The following SLC44A1 variants were observed in gnomAD, a reference collection of about 807,000 sequenced individuals.
SLC44A1 encodes the protein choline transporter-like protein 1.
In SLC44A1, 26 loss-of-function variants were observed where a neutral mutation model predicts 79.3. That is an observed-to-expected ratio of 0.33 (90% CI 0.24 to 0.46). The LOEUF (loss-of-function observed/expected upper bound fraction) is 0.46, where lower values mean the gene tolerates loss of function less well. Ranked by LOEUF, SLC44A1 falls within the 20% of genes least tolerant of loss-of-function variation. The pLI, the probability that SLC44A1 is intolerant of heterozygous loss-of-function variation, is 1.00. For synonymous variants in SLC44A1, 263 were observed against 286.2 expected, an observed-to-expected ratio of 0.92 and a Z score of 0.82; for missense variants, 688 against 798.1, an observed-to-expected ratio of 0.86 and a Z score of 1.66.
At chr9:105,337,160 T>G (rs969505730) in intron 4 of SLC44A1, among the ~76,000 whole-genome samples, 1 of 151,708 alleles carries the variant, frequency 6.6e-6, no homozygotes, top group Non-Finnish European at 1.5e-5. Context: ...TCCTTAAGGG[T>G]TTTTCCAGAA....
downstream of SLC44A1, among the ~76,000 whole-genome samples, chr9:105,397,590 G>A (rs139049752): frequency 2.0e-5 from 3 of 152,318 alleles, no homozygotes; most frequent in East Asian, 5.8e-4. Context: ...CATAGCTGGA[G>A]TCTGAGTTGC....
chr9:105,298,435 C>T (rs1830787207), intron 1 of SLC44A1, among the ~76,000 whole-genome samples: 1 of 152,178 alleles, frequency 6.6e-6, no homozygotes, highest in South Asian at 2.1e-4. Context: ...TCACTGCAAC[C>T]TCCGCCTCTT....
chr9:105,356,160 T>C lies in SLC44A1; in HGVS notation c.501-52T>C. On this transcript the variant is annotated intron_variant, in intron 5 of 15. Transcript: ENST00000374720. ...TCATTTGTGTGTTTGATGTGGCATT[T>C]ATATTAAGTAGGAGTAATTTTTTTT... 2.1e-6 allele frequency: 3 copies of C among 1,411,858 alleles called. No homozygotes were observed. The South Asian group carries it at 3.5e-5, about 16-fold the overall frequency. 87.5% of individuals were successfully genotyped at this position (1,411,858 alleles called of 1,614,324 possible). A position where few individuals can be genotyped will look rare whatever the true frequency, so the allele number is the denominator to read the frequency against.
chr9:105,405,372 G>A (rs929647485), intron 15 of SLC44A1, among the ~76,000 whole-genome samples: 2 of 151,148 alleles, frequency 1.3e-5, no homozygotes, highest in African/African-American at 4.9e-5. Context: ...TGGCAGAGCA[G>A]GAAATTCCAA....
intron 3 of SLC44A1, among the ~76,000 whole-genome samples, chr9:105,331,110 G>A (rs935842268): frequency 6.6e-6 from 1 of 152,180 alleles, no homozygotes; most frequent in Non-Finnish European, 1.5e-5. Context: ...TAAAGGATAT[G>A]AAACTTAAAG....
chr9:105,389,003 G>A, intron 15 of SLC44A1, 30 bp from the exon 16 acceptor site: 1 of 1,571,898 alleles, frequency 6.4e-7, no homozygotes, highest in Non-Finnish European at 8.8e-7. Context: ...AATTGTCTAA[G>A]ATTATACTCT....
At position 105,278,301 on chromosome 9, in the gene SLC44A1, T is replaced by G. The variant is rs186223127; in HGVS notation, c.37-20919T>G. Among the ~76,000 whole-genome samples the G allele has an allele frequency of 2.0e-5, 3 of 152,216 alleles. No individual in the cohort carries two copies. In the East Asian group the frequency reaches 5.8e-4, roughly 29 times the overall value. On this transcript the variant is annotated intron_variant, in intron 1 of 15. Coordinates refer to ENST00000374720, the MANE Select transcript of SLC44A1 (RefSeq NM_080546.5). ...TCTCGCTCTGTCACCCAGACTGGAGTGCAGTGGTGCGGTCTTGGCTCACTG... is the reference window on the plus strand; with the variant it reads ...TCTCGCTCTGTCACCCAGACTGGAGGGCAGTGGTGCGGTCTTGGCTCACTG...
chr9:105,373,221 T>G (rs1164165325), intron 12 of SLC44A1, among the ~76,000 whole-genome samples: 1 of 152,162 alleles, frequency 6.6e-6, no homozygotes, highest in African/African-American at 2.4e-5. Context: ...CTCCAACAGT[T>G]TCCCAGCAAT....
chr9:105,432,377 T>C (rs1829408993), intron 15 of SLC44A1, among the ~76,000 whole-genome samples: 1 of 152,246 alleles, frequency 6.6e-6, no homozygotes, highest in African/African-American at 2.4e-5. Flanking sequence ...TTATCATTTG[T>C]GTATAACGGA....
rs537453093 is a variant in SLC44A1, at chr9:105,302,773, T to C, written c.126+3464T>C. Among the ~76,000 whole-genome samples the C allele has an allele frequency of 2.4e-3, 359 of 152,090 alleles. 1 individual carries two copies. The highest frequency in any genetic ancestry group is 8.1e-3 in the African/African-American group (337 of 41,470). The stretch of plus-strand genomic sequence containing the variant: ...CAGCCAAAGTTGAGACCCACTATTA[T>C]AGGCACAGATAAACCACTGAAAAGT... On this transcript the variant is annotated intron_variant, in intron 2 of 15. Coordinates refer to ENST00000374720, the MANE Select transcript of SLC44A1 (RefSeq NM_080546.5).
chr9:105,261,965 A>G (rs1588709982), intron 1 of SLC44A1, among the ~76,000 whole-genome samples: 2 of 151,542 alleles, frequency 1.3e-5, no homozygotes, highest in South Asian at 2.1e-4. Context: ...TTTTATTTTT[A>G]GTTGAGACGG....
chr9:105,408,249 C>T (rs1484927920), intron 15 of SLC44A1, among the ~76,000 whole-genome samples: 2 of 152,076 alleles, frequency 1.3e-5, no homozygotes, highest in South Asian at 2.1e-4. Flanking sequence ...TAGACCTGCC[C>T]TATGAGAAAT....
chr9:105,247,729 G>A (rs755024094), intron 1 of SLC44A1, among the ~76,000 whole-genome samples: 1 of 152,158 alleles, frequency 6.6e-6, no homozygotes, highest in Non-Finnish European at 1.5e-5. Context: ...ACTGTACCTT[G>A]TACTTAATAG....
intron 3 of SLC44A1, among the ~76,000 whole-genome samples, chr9:105,311,042 T>C (rs771237600): frequency 6.6e-6 from 1 of 152,328 alleles, no homozygotes; most frequent in Non-Finnish European, 1.5e-5. Context: ...GTTTTTCTCT[T>C]GATATGCACC....
chr9:105,404,904 A>AT (rs1829009183), intron 15 of SLC44A1, among the ~76,000 whole-genome samples: 1 of 152,146 alleles, frequency 6.6e-6, no homozygotes, highest in East Asian at 1.9e-4. Flanking sequence ...GACAATGATA[A>AT]TTTTTTCATT....
At chr9:105,267,924 C>G (rs1163719713) in intron 1 of SLC44A1, among the ~76,000 whole-genome samples, 1 of 152,114 alleles carries the variant, frequency 6.6e-6, no homozygotes, top group African/African-American at 2.4e-5. Context: ...TTGGTCATTT[C>G]TCTTGGACTC....
At chr9:105,299,833 C>G in intron 2 of SLC44A1, 1 of 986,538 alleles carries the variant, frequency 1.0e-6, no homozygotes, top group Non-Finnish European at 1.2e-6. Flanking sequence ...CCCCTGCTGC[C>G]TGCTGTGTCT....
rs1279600943 is a variant in SLC44A1, at chr9:105,395,231, T to G, written c.*6175T>G. 6 of 971,332 alleles carry G rather than the reference T, an allele frequency of 6.2e-6. No homozygotes were observed. The highest frequency in any genetic ancestry group is 5.2e-4 in the Middle Eastern group (1 of 1,922). 60.2% of individuals were successfully genotyped at this position (971,332 alleles called of 1,614,324 possible). A position where few individuals can be genotyped will look rare whatever the true frequency, so the allele number is the denominator to read the frequency against. ...GGGTTTTTTTTGTTTGTTTTTGGTG[T>G]TTTTTTGAGACGGAGTCTCGCTCTA... On this transcript the variant is annotated 3_prime_UTR_variant, in exon 16 of 16. Transcript: ENST00000374720.
chr9:105,376,961 A>G (rs1376602071), intron 13 of SLC44A1, among the ~76,000 whole-genome samples: 1 of 152,242 alleles, frequency 6.6e-6, no homozygotes, highest in Non-Finnish European at 1.5e-5. Flanking sequence ...CTTCTAAGTT[A>G]TTAATCACTG....
Sources: allele counts gnomAD v4.1 joint callset (sites outside exome capture counted in the v4.1 genomes callset), GRCh38; gene constraint gnomAD v4.1.1; transcripts MANE v1.5; gene names NCBI Gene and HGNC (gene_info 2026-07-23, HGNC 2026-07-21).